Variants in ENPP3 observed in about 807,000 individuals in gnomAD.
ENPP3 encodes ectonucleotide pyrophosphatase/phosphodiesterase family member 3.
A neutral mutation model predicts 117.8 loss-of-function variants in ENPP3; 104 were observed. That is an observed-to-expected ratio of 0.88 (90% CI 0.75 to 1.04). The LOEUF is 1.04. Among genes scored for constraint, ENPP3 ranks in the 50% least tolerant of loss-of-function variants. The pLI, the probability that ENPP3 is intolerant of heterozygous loss-of-function variation, is 0.00. For missense variants in ENPP3, 1,026 were observed against 1,051.9 expected (o/e 0.98, Z 0.34); for synonymous variants, 380 against 349.9 (o/e 1.09, Z -0.96).
chr6:131,645,062 G>T (rs1194115431), intron 2 of ENPP3, among the ~76,000 whole-genome samples: 1 of 152,126 alleles, frequency 6.6e-6, no homozygotes, highest in Non-Finnish European at 1.5e-5. Flanking sequence ...CTGTTCTCAT[G>T]CTTCTACTGT....
chr6:131,637,525 T>C (rs1777952319), intron 1 of ENPP3, 63 bp downstream of exon 1: 2 of 919,428 alleles, frequency 2.2e-6, no homozygotes, highest in Non-Finnish European at 3.3e-6. Flanking sequence ...GTATATGATT[T>C]CCCATTTACA....
At chr6:131,686,973 A>T (rs961877663) in intron 14 of ENPP3, among the ~76,000 whole-genome samples, 11 of 152,210 alleles carry the variant, frequency 7.2e-5, no homozygotes, top group Non-Finnish European at 1.0e-4. Flanking sequence ...AGCAATACAC[A>T]TATGAGTTTA....
intron 22 of ENPP3, 70 bp from the exon 23 acceptor site, chr6:131,737,961 T>C: frequency 9.2e-7 from 1 of 1,090,952 alleles, no homozygotes; most frequent in Non-Finnish European, 1.3e-6. Flanking sequence ...AATGTACTTG[T>C]CTATAATAGA....
chr6:131,716,838 G>A (rs1475038471), intron 15 of ENPP3, among the ~76,000 whole-genome samples: 1 of 149,636 alleles, frequency 6.7e-6, no homozygotes, highest in Non-Finnish European at 1.5e-5. Flanking sequence ...GGATGTGGTG[G>A]CACATGCCTG....
intron 1 of ENPP3, chr6:131,638,448 C>G (rs916494018): frequency 2.3e-6 from 1 of 440,458 alleles, no homozygotes; most frequent in Non-Finnish European, 4.5e-6. Context: ...ATTTTTGAGA[C>G]AGGGTCTCTC....
intron 15 of ENPP3, among the ~76,000 whole-genome samples, chr6:131,706,818 T>C (rs535379715): frequency 2.0e-3 from 297 of 152,234 alleles, no homozygotes; most frequent in Middle Eastern, 3.4e-3. Context: ...TTGAAAAATA[T>C]ACTATAGAAC....
chr6:131,664,157 G>A (rs1409742115), intron 6 of ENPP3, among the ~76,000 whole-genome samples: 2 of 152,180 alleles, frequency 1.3e-5, no homozygotes. Flanking sequence ...TATCATAGAA[G>A]ATGACAGCTC....
intron 23 of ENPP3, among the ~76,000 whole-genome samples, chr6:131,739,930 C>G (rs1780490587): frequency 7.5e-6 from 1 of 132,696 alleles, no homozygotes; most frequent in Admixed American, 7.6e-5. Flanking sequence ...TCCAAAGTAC[C>G]ATTAGAAGTA....
chr6:131,742,391 A>G lies in ENPP3; in HGVS notation c.2457+2011A>G, dbSNP rs553132861. Among the ~76,000 whole-genome samples the G allele has an allele frequency of 1.6e-4, 24 of 152,258 alleles. 1 individual carries two copies. Among genetic ancestry groups the G allele is most frequent in the Admixed American group, 1.5e-3 (23 of 15,284 alleles). ...AGGTAGATATGATGGAGTGATTACA[A>G]TGAGTACACAAAGAAAAAAATATTT... is the stretch of plus-strand genomic sequence containing the variant. On this transcript the variant is annotated intron_variant, in intron 24 of 24. Transcript: ENST00000357639.
Position 131,671,376 on chromosome 6 carries a change from A to C in ENPP3, c.642+49A>C, listed in dbSNP as rs536666033. 3.8e-6 allele frequency: 4 copies of C among 1,049,312 alleles called. No individual in the cohort carries two copies. In the South Asian group the frequency reaches 4.0e-5, roughly 10 times the overall value. The allele number at this position is 1,049,312 out of a possible 1,614,324, so 65.0% of individuals were successfully genotyped here. On this transcript the variant is annotated intron_variant, in intron 7 of 24. Transcript: ENST00000357639. Reference sequence around the variant, plus strand: ...GACAGGCCAAAGACCAGAACTGACCACATAAACAGACATGTTTGGGCAGGA... The same window carrying C: ...GACAGGCCAAAGACCAGAACTGACCCCATAAACAGACATGTTTGGGCAGGA...
At chr6:131,723,664 C>T (rs2114534965) in intron 18 of ENPP3, among the ~76,000 whole-genome samples, 1 of 152,216 alleles carries the variant, frequency 6.6e-6, no homozygotes, top group South Asian at 2.1e-4. Flanking sequence ...GAACCAGAAT[C>T]CGTATTTTAA....
At chr6:131,692,090 A>G (rs1779293945) in intron 14 of ENPP3, among the ~76,000 whole-genome samples, 1 of 152,082 alleles carries the variant, frequency 6.6e-6, no homozygotes, top group Non-Finnish European at 1.5e-5. Flanking sequence ...TTTCTTATCT[A>G]AATTGACCCT....
intron 19 of ENPP3, among the ~76,000 whole-genome samples, chr6:131,725,152 G>A (rs1173995119): frequency 6.6e-6 from 1 of 152,096 alleles, no homozygotes; most frequent in African/African-American, 2.4e-5. Context: ...CTTGAACCCA[G>A]GAGATGGAGG....
At chr6:131,722,562 G>A (rs1459611953) in intron 18 of ENPP3, among the ~76,000 whole-genome samples, 157 bp downstream of exon 18, 4 of 152,188 alleles carry the variant, frequency 2.6e-5, no homozygotes, top group African/African-American at 4.8e-5. Flanking sequence ...ACCTGGAAAC[G>A]AGAAGTGAGA....
intron 15 of ENPP3, among the ~76,000 whole-genome samples, chr6:131,713,308 A>G (rs1409074709): frequency 6.6e-6 from 1 of 150,990 alleles, no homozygotes. Flanking sequence ...ATGAGAACAG[A>G]CTAATACACC....
chr6:131,722,454 T>C, intron 18 of ENPP3, 49 bp downstream of exon 18: 1 of 1,508,700 alleles, frequency 6.6e-7, no homozygotes, highest in Non-Finnish European at 9.1e-7. Flanking sequence ...GGCAAGCTAT[T>C]CTTAACCTGG....
intron 14 of ENPP3, among the ~76,000 whole-genome samples, chr6:131,692,842 ATGATATATATGATATG>A (rs1211849720): frequency 3.0e-5 from 4 of 133,302 alleles, no homozygotes; most frequent in East Asian, 4.7e-4. Flanking sequence ...TATATATGAT[ATGATATATATGATATG>A]TGATATATAT....
intron 11 of ENPP3, among the ~76,000 whole-genome samples, chr6:131,679,736 A>T (rs1351634421): frequency 6.6e-6 from 1 of 152,162 alleles, no homozygotes; most frequent in Admixed American, 6.5e-5. Flanking sequence ...TTGAGGAAAG[A>T]GCTGTGCACA....
intron 15 of ENPP3, among the ~76,000 whole-genome samples, chr6:131,714,139 T>C (rs1010683116): frequency 1.3e-5 from 2 of 152,166 alleles, no homozygotes; most frequent in South Asian, 2.1e-4. Flanking sequence ...AACATCATGG[T>C]AGCATGAGTA....
Sources: gnomAD v4.1 joint callset for allele counts (sites outside exome capture counted in the v4.1 genomes callset) on GRCh38, gnomAD v4.1.1 for gene constraint, MANE v1.5 for transcripts, NCBI Gene and HGNC (gene_info 2026-07-23, HGNC 2026-07-21) for gene names.